Variants in GRK3 observed in about 807,000 individuals in gnomAD.
GRK3 encodes the protein adrenergic, beta, receptor kinase 2.
GRK3 carries 54 observed loss-of-function variants against 95.7 expected under a neutral mutation model. The ratio of observed to expected loss-of-function variants is 0.56; its 90% confidence interval spans 0.45 to 0.71. The LOEUF is 0.71. Ranked by LOEUF, GRK3 falls within the 30% of genes least tolerant of loss-of-function variation. The pLI, the probability that GRK3 is intolerant of heterozygous loss-of-function variation, is 0.00. For missense variants in GRK3, 649 were observed against 851.2 expected, an observed-to-expected ratio of 0.76 and a Z score of 2.96; for synonymous variants, 281 against 290.8, an observed-to-expected ratio of 0.97 and a Z score of 0.34.
chr22:25,622,129 T>C (rs2084590555), intron 2 of GRK3, among the ~76,000 whole-genome samples: 1 of 152,184 alleles, frequency 6.6e-6, no homozygotes, highest in African/African-American at 2.4e-5. Context: ...CTTGAATTCA[T>C]GAAACCACAG....
At chr22:25,625,417 A>G (rs1212554897) in intron 2 of GRK3, among the ~76,000 whole-genome samples, 1 of 152,230 alleles carries the variant, frequency 6.6e-6, no homozygotes, top group East Asian at 1.9e-4. Flanking sequence ...TTATGCCCAG[A>G]CAGGGCCACC....
In GRK3 at chr22:25,725,573, T is replaced by C. The variant is rs1346941776; in HGVS notation, c.*3123T>C. The C allele has an allele frequency of 7.5e-6, 3 of 398,476 alleles. No homozygotes were observed. Among genetic ancestry groups the C allele is most frequent in the Non-Finnish European group, 1.3e-5 (3 of 226,064 alleles). The allele number at this position is 398,476 out of a possible 1,614,324, so 24.7% of individuals were successfully genotyped here. On this transcript the variant is annotated 3_prime_UTR_variant, in exon 21 of 21. Coordinates refer to ENST00000324198, the MANE Select transcript of GRK3 (RefSeq NM_005160.4). ...AACAAAACTTCTAGAAGTCAGCTTA[T>C]TATGTCACCATTCATGCAAAGTGCT...
At chr22:25,719,974 C>T (rs998220130) in intron 19 of GRK3, among the ~76,000 whole-genome samples, 4 of 152,112 alleles carry the variant, frequency 2.6e-5, no homozygotes, top group South Asian at 2.1e-4. Context: ...CTCCTGCCAT[C>T]GAAGTTATTT....
intron 1 of GRK3, among the ~76,000 whole-genome samples, chr22:25,576,250 C>A (rs1439017590): frequency 6.6e-6 from 1 of 152,052 alleles, no homozygotes; most frequent in African/African-American, 2.4e-5. Context: ...AGCACAGACC[C>A]ACAGTCGGAT....
intron 12 of GRK3, among the ~76,000 whole-genome samples, chr22:25,694,320 C>A (rs1204699277): frequency 6.6e-6 from 1 of 152,146 alleles, no homozygotes; most frequent in Non-Finnish European, 1.5e-5. Context: ...TGGAAAGTTC[C>A]CCACCGGCTG....
At chr22:25,600,897 C>T (rs2084405141) in intron 1 of GRK3, among the ~76,000 whole-genome samples, 1 of 152,024 alleles carries the variant, frequency 6.6e-6, no homozygotes, top group Non-Finnish European at 1.5e-5. Context: ...ATAGACTTAA[C>T]AAAGATTATA....
At chr22:25,659,106 G>C (rs1262591496) in intron 3 of GRK3, among the ~76,000 whole-genome samples, 1 of 152,098 alleles carries the variant, frequency 6.6e-6, no homozygotes, top group Non-Finnish European at 1.5e-5. Context: ...TGAAGAAGGG[G>C]TGCCCCCAGC....
chr22:25,674,687 C>T (rs989757255), intron 8 of GRK3, among the ~76,000 whole-genome samples, 159 bp downstream of exon 8: 2 of 152,226 alleles, frequency 1.3e-5, no homozygotes, highest in Non-Finnish European at 2.9e-5. Flanking sequence ...TGGTGGCTCA[C>T]GCCTGTAACC....
At chr22:25,670,863 C>A (rs556966020) in intron 6 of GRK3, among the ~76,000 whole-genome samples, 1 of 133,668 alleles carries the variant, frequency 7.5e-6, no homozygotes, top group South Asian at 2.4e-4. Flanking sequence ...TGGTGAAACC[C>A]CATCTCTACT....
At position 25,672,289 on chromosome 22, in the gene GRK3, C is replaced by T. The variant is rs1294058909; in HGVS notation, c.504-7C>T. ...AACTTTTTAGTAATTATTTTATTCT[C>T]TTTTAGTGACAAGTTCACTAGATTT... On this transcript the variant is annotated splice_region_variant and splice_polypyrimidine_tract_variant and intron_variant, in intron 6 of 20. Coordinates refer to ENST00000324198, the MANE Select transcript of GRK3 (RefSeq NM_005160.4). 5.9e-6 allele frequency: 8 copies of T among 1,347,802 alleles called. No individual in the cohort carries two copies. The highest frequency in any genetic ancestry group is 8.3e-6 in the Non-Finnish European group (8 of 960,714). 83.5% of individuals were successfully genotyped at this position (1,347,802 alleles called of 1,614,324 possible). A position where few individuals can be genotyped will look rare whatever the true frequency, so the allele number is the denominator to read the frequency against.
At chr22:25,598,471 A>G (rs1307660388) in intron 1 of GRK3, among the ~76,000 whole-genome samples, 3 of 152,080 alleles carry the variant, frequency 2.0e-5, no homozygotes, top group Non-Finnish European at 2.9e-5. Context: ...CAGGAGTTCA[A>G]GACCAGCCTG....
At chr22:25,610,507 C>T (rs1231853262) in intron 2 of GRK3, among the ~76,000 whole-genome samples, 1 of 152,152 alleles carries the variant, frequency 6.6e-6, no homozygotes, top group Non-Finnish European at 1.5e-5. Context: ...ATATACCATT[C>T]ACCCATTGTA....
At chr22:25,611,957 A>G (rs2084501022) in intron 2 of GRK3, among the ~76,000 whole-genome samples, 2 of 150,316 alleles carry the variant, frequency 1.3e-5, no homozygotes, top group African/African-American at 4.9e-5. Context: ...CTCAGCCTCC[A>G]GAGTAGCTGG....
intron 8 of GRK3, among the ~76,000 whole-genome samples, chr22:25,677,871 A>G (rs953789946): frequency 1.3e-5 from 2 of 152,212 alleles, no homozygotes; most frequent in African/African-American, 4.8e-5. Context: ...CCTGTTTTCT[A>G]TAGAATATGC....
chr22:25,667,777 C>G lies in GRK3; in HGVS notation c.480C>G (p.Asp160Glu). 6.2e-7 allele frequency: 1 copy of G among 1,611,414 alleles called. No homozygotes were observed. The highest frequency in any genetic ancestry group is 8.5e-7 in the Non-Finnish European group (1 of 1,177,790). ...IEEICESLRG[D>E]IFQKFMESDK... ...AAATTTGTGAAAGCCTTCGAGGTGACATTTTTCAAAAATTTATGGAAAGGT... is the reference window on the plus strand; with the variant it reads ...AAATTTGTGAAAGCCTTCGAGGTGAGATTTTTCAAAAATTTATGGAAAGGT... The change falls in exon 6 of 21, where the codon GAC (aspartate) becomes GAG (glutamate). Residue 160 changes from aspartate to glutamate, a missense_variant. Asp to Glu is a conservative substitution (Grantham distance 45, BLOSUM62 2). This residue lies in a region of GRK3 where 206 missense variants were observed against 231.4 expected (regional missense o/e 0.89). Transcript: ENST00000324198.
At chr22:25,635,271 G>T (rs2084691761) in intron 2 of GRK3, among the ~76,000 whole-genome samples, 1 of 152,048 alleles carries the variant, frequency 6.6e-6, no homozygotes, top group African/African-American at 2.4e-5. Flanking sequence ...TTCTTTTTAT[G>T]ATTTTTGGGG....
chr22:25,637,137 A>G (rs1410298836), intron 2 of GRK3, among the ~76,000 whole-genome samples: 2 of 152,094 alleles, frequency 1.3e-5, no homozygotes, highest in African/African-American at 4.8e-5. Flanking sequence ...TGGACATTGG[A>G]GCTCCAGTTT....
In GRK3 at chr22:25,663,629, G is replaced by T; in HGVS notation, c.367-1G>T. The T allele has an allele frequency of 3.8e-6, 6 of 1,598,206 alleles. No individual in the cohort carries two copies. The highest frequency in any genetic ancestry group is 5.1e-6 in the Non-Finnish European group (6 of 1,170,912). ...AAAAATATTATTTTTGACTTTGATA[G>T]CCTTTCTCAAAGCAAGCTGTAGAAC... On this transcript the variant is annotated splice_acceptor_variant, in intron 4 of 20. Transcript: ENST00000324198. LOFTEE classifies it high-confidence loss of function.
intron 13 of GRK3, among the ~76,000 whole-genome samples, chr22:25,696,396 A>C (rs1362692914): frequency 6.6e-6 from 1 of 152,218 alleles, no homozygotes; most frequent in Non-Finnish European, 1.5e-5. Flanking sequence ...GATGAAATAG[A>C]GTAGAAAAGA....
Sources: gnomAD v4.1 joint callset for allele counts (sites outside exome capture counted in the v4.1 genomes callset) on GRCh38, gnomAD v4.1.1 for gene constraint, gnomAD v4.1.1 regional missense constraint, MANE v1.5 for transcripts, NCBI Gene and HGNC (gene_info 2026-07-23, HGNC 2026-07-21) for gene names.